The following ARHGAP24 variants were observed in gnomAD, a reference collection of about 807,000 sequenced individuals.
The protein encoded by ARHGAP24 is rho GTPase-activating protein 24.
Under a neutral mutation model 76.4 loss-of-function variants are expected in ARHGAP24, and 50 were observed. That is an observed-to-expected ratio of 0.65 (90% CI 0.52 to 0.83). The LOEUF is 0.83. Ranked by LOEUF, ARHGAP24 falls within the 40% of genes least tolerant of loss-of-function variation. ARHGAP24 has a pLI of 0.00. For missense variants in ARHGAP24, 930 were observed against 914.2 expected, an observed-to-expected ratio of 1.02 and a Z score of -0.22; for synonymous variants, 345 against 323.3, an observed-to-expected ratio of 1.07 and a Z score of -0.72.
chr4:85,655,818 A>AGAGAGAGAGAGAGAGAGAGAG (rs1237643654), intron 2 of ARHGAP24, among the ~76,000 whole-genome samples: 1 of 35,508 alleles, frequency 2.8e-5, no homozygotes, highest in African/African-American at 1.5e-4. Flanking sequence ...GAGAGAGAGA[A>AGAGAGAGAGAGAGAGAGAGAG]AGAGAGAGAG....
chr4:85,754,089 C>T (rs1726379852), intron 3 of ARHGAP24, among the ~76,000 whole-genome samples: 1 of 152,178 alleles, frequency 6.6e-6, no homozygotes, highest in African/African-American at 2.4e-5. Flanking sequence ...CCTTCCTGGC[C>T]TCTGGTAACC....
intron 3 of ARHGAP24, chr4:85,722,309 G>T: frequency 4.0e-6 from 1 of 251,258 alleles, no homozygotes. Context: ...GGGGTTATAG[G>T]TTGAATGCTT....
intron 4 of ARHGAP24, among the ~76,000 whole-genome samples, chr4:85,927,617 G>T (rs551929814): frequency 6.6e-6 from 1 of 152,242 alleles, no homozygotes; most frequent in East Asian, 1.9e-4. Flanking sequence ...TAAATGAAAA[G>T]CACTTGATTA....
intron 2 of ARHGAP24, among the ~76,000 whole-genome samples, chr4:85,591,802 A>T (rs1462905603): frequency 4.6e-5 from 7 of 152,172 alleles, no homozygotes; most frequent in African/African-American, 1.7e-4. Context: ...ATGTCAAAGG[A>T]TTCTTGTGAG....
At chr4:85,706,874 A>G (rs1198967821) in intron 2 of ARHGAP24, among the ~76,000 whole-genome samples, 1 of 152,010 alleles carries the variant, frequency 6.6e-6, no homozygotes, top group African/African-American at 2.4e-5. Flanking sequence ...AAAAAGATGT[A>G]TTTTTGAGAT....
chr4:85,669,314 A>T (rs1722741988), intron 2 of ARHGAP24, among the ~76,000 whole-genome samples: 1 of 151,992 alleles, frequency 6.6e-6, no homozygotes, highest in African/African-American at 2.4e-5. Flanking sequence ...TATAAGCCTG[A>T]TTTAGGTTTC....
rs556377700 is a variant in ARHGAP24, at chr4:85,711,326, A to C, written c.181-10559A>C. On this transcript the variant is annotated intron_variant, in intron 2 of 9. Coordinates refer to ENST00000395184, the MANE Select transcript of ARHGAP24 (RefSeq NM_001025616.3). Reference sequence around the variant, plus strand: ...TAGTACCTGGGTGACAAAAAAATCTATATAAAAAACCCCCATGACAAACCC... The same window carrying C: ...TAGTACCTGGGTGACAAAAAAATCTCTATAAAAAACCCCCATGACAAACCC... Among the ~76,000 whole-genome samples the C allele has an allele frequency of 2.6e-5, 4 of 152,122 alleles. No individual in the cohort carries two copies. In the South Asian group the frequency reaches 8.3e-4, roughly 32 times the overall value.
intron 2 of ARHGAP24, 41 bp from the exon 3 acceptor site, chr4:85,721,844 C>G: frequency 6.6e-7 from 1 of 1,517,350 alleles, no homozygotes; most frequent in Non-Finnish European, 9.1e-7. Context: ...ATGATGTTTG[C>G]TCTCTGATGA....
At chr4:85,486,886 T>G (rs1723069746) in intron 1 of ARHGAP24, among the ~76,000 whole-genome samples, 1 of 151,990 alleles carries the variant, frequency 6.6e-6, no homozygotes, top group Non-Finnish European at 1.5e-5. Context: ...TACTGAGTAG[T>G]TCCTATCGCT....
intron 1 of ARHGAP24, among the ~76,000 whole-genome samples, chr4:85,525,218 G>A (rs150653946): frequency 9.5e-4 from 138 of 145,576 alleles, no homozygotes; most frequent in Admixed American, 5.9e-3. Context: ...ATGTGTTTTT[G>A]CTAATAGTTT....
chr4:85,516,129 A>G (rs1033097664), intron 1 of ARHGAP24, among the ~76,000 whole-genome samples: 1 of 152,110 alleles, frequency 6.6e-6, no homozygotes, highest in African/African-American at 2.4e-5. Flanking sequence ...CACCCCAAAG[A>G]TGTGCACACT....
chr4:85,951,212 TAAG>T (rs1737598616), intron 5 of ARHGAP24, among the ~76,000 whole-genome samples: 1 of 152,012 alleles, frequency 6.6e-6, no homozygotes, highest in African/African-American at 2.4e-5. Context: ...GGTGAGGTAA[TAAG>T]AAGAGAATAA....
chr4:85,900,355 A>G (rs973359154), intron 3 of ARHGAP24, among the ~76,000 whole-genome samples: 1 of 152,214 alleles, frequency 6.6e-6, no homozygotes, highest in Non-Finnish European at 1.5e-5. Context: ...CACAAATAGT[A>G]TGCATTTACA....
chr4:85,808,860 T>A (rs187941904), intron 3 of ARHGAP24, among the ~76,000 whole-genome samples: 8 of 152,216 alleles, frequency 5.3e-5, no homozygotes, highest in Admixed American at 5.2e-4. Flanking sequence ...AAAAGTTTTC[T>A]TTGATGAGAG....
intron 3 of ARHGAP24, among the ~76,000 whole-genome samples, chr4:85,868,614 A>C (rs1560683730): frequency 6.6e-6 from 1 of 152,174 alleles, no homozygotes; most frequent in African/African-American, 2.4e-5. Flanking sequence ...GGGATCCTGG[A>C]ACAGAAAAGG....
chr4:85,727,271 T>C (rs13108523), intron 3 of ARHGAP24, among the ~76,000 whole-genome samples: 22,896 of 152,030 alleles, frequency 0.15, 2,387 homozygotes, highest in East Asian at 0.55. Flanking sequence ...TATGAGCATG[T>C]GAAGTTATTT....
At chr4:85,825,022 G>A (rs1441947433) in intron 3 of ARHGAP24, among the ~76,000 whole-genome samples, 3 of 151,942 alleles carry the variant, frequency 2.0e-5, no homozygotes, top group Non-Finnish European at 4.4e-5. Context: ...CCTGGGAGGC[G>A]GAGGTTGCAG....
chr4:85,661,667 C>T lies in ARHGAP24; in HGVS notation c.181-60218C>T, dbSNP rs111506246. On this transcript the variant is annotated intron_variant, in intron 2 of 9. Transcript: ENST00000395184. ...TATCTCCTAATGCTATCCCTCCCCC[C>T]TTCCCCCACCCCACAACAGTCCCCA... Among the ~76,000 whole-genome samples the T allele has an allele frequency of 6.0e-3, 905 of 152,042 alleles. 10 individuals are homozygous for T. The highest frequency in any genetic ancestry group is 0.02 in the African/African-American group (842 of 41,430).
intron 1 of ARHGAP24, among the ~76,000 whole-genome samples, chr4:85,567,999 A>G (rs1726916546): frequency 6.6e-6 from 1 of 152,242 alleles, no homozygotes; most frequent in Non-Finnish European, 1.5e-5. Flanking sequence ...TATAGGCATT[A>G]TAGTCAGTTC....
Sources: allele counts gnomAD v4.1 joint callset (sites outside exome capture counted in the v4.1 genomes callset), GRCh38; gene constraint gnomAD v4.1.1; transcripts MANE v1.5; gene names NCBI Gene and HGNC (gene_info 2026-07-23, HGNC 2026-07-21).